The following ILDR1 variants were observed in gnomAD, a reference collection of about 807,000 sequenced individuals.
ILDR1 encodes the protein immunoglobulin-like domain-containing receptor 1.
A neutral mutation model predicts 62.4 loss-of-function variants in ILDR1; 56 were observed. The observed-to-expected ratio is 0.90, with a 90% CI of 0.72 to 1.12. The LOEUF (loss-of-function observed/expected upper bound fraction) is 1.12. Ranked by LOEUF, ILDR1 falls within the 50% of genes most tolerant of loss-of-function variation. The probability of loss-of-function intolerance (pLI) is 0.00; values close to 1 mark genes in which losing one functional copy is unlikely to be tolerated. For synonymous variants in ILDR1, 284 were observed against 277.8 expected, an observed-to-expected ratio of 1.02 and a Z score of -0.22; for missense variants, 736 against 710.6, an observed-to-expected ratio of 1.04 and a Z score of -0.41.
intron 2 of ILDR1, 56 bp from the exon 3 acceptor site, chr3:122,005,449 A>G: frequency 6.2e-7 from 1 of 1,604,796 alleles, no homozygotes; most frequent in Non-Finnish European, 8.5e-7. Context: ...CCACAAAAAA[A>G]AGGTTCCCTT....
At chr3:122,002,932 C>T (rs1232967483) in intron 3 of ILDR1, among the ~76,000 whole-genome samples, 4 of 152,130 alleles carry the variant, frequency 2.6e-5, no homozygotes, top group Admixed American at 6.5e-5. Context: ...GTCTAATATC[C>T]AGCATCTACA....
intron 7 of ILDR1, among the ~76,000 whole-genome samples, chr3:121,989,670 T>C (rs12497349): frequency 0.23 from 35,420 of 152,190 alleles, 4,690 homozygotes; most frequent in Admixed American, 0.38. Flanking sequence ...TCTGAGGTTA[T>C]AGCTTCAGTG....
intron 7 of ILDR1, among the ~76,000 whole-genome samples, chr3:121,989,902 GAAC>G (rs1490012725): frequency 2.0e-5 from 3 of 152,116 alleles, no homozygotes; most frequent in East Asian, 3.8e-4. Context: ...GGTTCCACAT[GAAC>G]AACAACAAAA....
rs574082562 is a variant in ILDR1 at position 122,006,822 on chromosome 3, C to T, written c.229+169G>A. ...GACCTTGAATACATTATTTCATCTA[C>T]CTGGGCTCCGTTTGTTTATCTATAA... On this transcript the variant is annotated intron_variant, in intron 2 of 7. Coordinates refer to ENST00000344209, the MANE Select transcript of ILDR1 (RefSeq NM_001199799.2). 1.8e-4 allele frequency among the ~76,000 whole-genome samples: 28 copies of T among 152,248 alleles called. No homozygotes were observed. The South Asian group carries it at 5.6e-3, about 30-fold the overall frequency.
the ILDR1 span, among the ~76,000 whole-genome samples, chr3:122,030,024 C>T: frequency 5.3e-5 from 8 of 152,090 alleles, no homozygotes; most frequent in Non-Finnish European, 1.2e-4. Flanking sequence ...GAATGGAGAA[C>T]TAAAGTATCT....
chr3:122,030,008 A>C, the ILDR1 span, among the ~76,000 whole-genome samples: 2 of 152,192 alleles, frequency 1.3e-5, no homozygotes, highest in Admixed American at 6.5e-5. Context: ...CCTTAGCTGG[A>C]AAAAGGAATG....
At position 121,988,523 on chromosome 3, in the gene ILDR1, G is replaced by T. The variant is rs181533691; in HGVS notation, c.1600-115C>A. 2.2e-4 allele frequency: 177 copies of T among 809,558 alleles called. No homozygotes were observed. The South Asian group carries it at 2.3e-3, about 11-fold the overall frequency. 50.1% of individuals were successfully genotyped at this position (809,558 alleles called of 1,614,324 possible). On this transcript the variant is annotated intron_variant, in intron 7 of 7. Transcript: ENST00000344209. ...ATCCTAAGTGGGTGGTGGCTGCCAG[G>T]ACAGCAGATCTGAACCTAAAAAGTA...
chr3:122,052,735 A>G, the ILDR1 span, among the ~76,000 whole-genome samples: 1 of 152,090 alleles, frequency 6.6e-6, no homozygotes, highest in Non-Finnish European at 1.5e-5. Flanking sequence ...TGCCTGGCTA[A>G]TTTTTGTATT....
chr3:122,035,751 T>G, the ILDR1 span, among the ~76,000 whole-genome samples: 1 of 152,240 alleles, frequency 6.6e-6, no homozygotes, highest in African/African-American at 2.4e-5. Flanking sequence ...GTGAGTCAAT[T>G]AAATCTCTTT....
chr3:121,993,380 G>C lies in ILDR1; in HGVS notation c.1369C>G (p.Gln457Glu), dbSNP rs2071383284. 6.2e-7 allele frequency: 1 copy of C among 1,611,784 alleles called. No individual in the cohort carries two copies. Among genetic ancestry groups the C allele is most frequent in the South Asian group, 1.1e-5 (1 of 91,038 alleles). Residue 457 changes from glutamine (Q) to glutamate (E), a missense_variant, in exon 7 of 8, where the codon CAG becomes GAG. Coordinates refer to ENST00000344209, the MANE Select transcript of ILDR1 (RefSeq NM_001199799.2). ...PRRPSPREST[Q>E]RHGRRRRHRS... The stretch of plus-strand genomic sequence containing the variant: ...TGCCTGCGTCGTCTCCCGTGCCTCT[G>C]AGTGCTCTCCCGGGGGCTGGGCCTG...
rs1334466513 is a variant in ILDR1 at position 122,006,997 on chromosome 3, A to C, written c.223T>G (p.Ser75Ala). 2 of 1,612,348 alleles carry C rather than the reference A, an allele frequency of 1.2e-6. No homozygotes were observed. The highest frequency in any genetic ancestry group is 1.7e-6 in the Non-Finnish European group (2 of 1,179,864). ...AGGGGGTAAGGATACTCACACGCTG[A>C]GTAGTAGTCAAAGATAGGGTCCTTG... ...FCKDPIFDYY[S>A]ASYQAALSLG... is the part of the protein sequence containing the mutation. Residue 75 changes from serine to alanine, a missense_variant, in exon 2 of 8, where the codon TCA becomes GCA. Ser to Ala is a moderately conservative substitution (Grantham distance 99, BLOSUM62 1). Coordinates refer to ENST00000344209, the MANE Select transcript of ILDR1 (RefSeq NM_001199799.2).
At chr3:122,005,475 A>C (rs2071594823) in intron 2 of ILDR1, 82 bp from the exon 3 acceptor site, 2 of 1,493,698 alleles carry the variant, frequency 1.3e-6, no homozygotes, top group Non-Finnish European at 1.9e-6. Flanking sequence ...TCCGGGCGTG[A>C]GACACAGTGA....
intron 1 of ILDR1, among the ~76,000 whole-genome samples, chr3:122,011,617 G>A (rs1445904208): frequency 1.4e-5 from 2 of 147,488 alleles, no homozygotes; most frequent in African/African-American, 2.5e-5. Flanking sequence ...AGCATCCTGT[G>A]CAGACCTCAA....
At chr3:122,044,736 T>C in the ILDR1 span, among the ~76,000 whole-genome samples, 2 of 151,938 alleles carry the variant, frequency 1.3e-5, no homozygotes, top group Non-Finnish European at 2.9e-5. Context: ...TGATGGTAGT[T>C]TGTATTTCTG....
At chr3:122,035,364 C>A in the ILDR1 span, among the ~76,000 whole-genome samples, 7 of 152,084 alleles carry the variant, frequency 4.6e-5, no homozygotes, top group African/African-American at 1.7e-4. Context: ...GTTCACAATG[C>A]CTGATTAGAA....
chr3:122,028,079 T>G, the ILDR1 span, among the ~76,000 whole-genome samples: 6 of 151,248 alleles, frequency 4.0e-5, no homozygotes, highest in South Asian at 8.4e-4. Flanking sequence ...TGTAATCCCA[T>G]CACTTTGGGA....
intron 1 of ILDR1, among the ~76,000 whole-genome samples, chr3:122,012,297 T>C (rs2071716565): frequency 6.6e-6 from 1 of 152,226 alleles, no homozygotes; most frequent in Admixed American, 6.5e-5. Context: ...TCTTTCAGGC[T>C]TACTACAAGT....
the ILDR1 span, among the ~76,000 whole-genome samples, chr3:122,042,787 C>G: frequency 6.6e-6 from 1 of 151,776 alleles, no homozygotes; most frequent in African/African-American, 2.4e-5. Context: ...GTAAATTTGT[C>G]TGAGTTCATT....
the ILDR1 span, among the ~76,000 whole-genome samples, chr3:122,037,771 G>A: frequency 6.6e-6 from 1 of 152,118 alleles, no homozygotes; most frequent in Non-Finnish European, 1.5e-5. Flanking sequence ...GATATGGTTT[G>A]GTTTTGTGTC....
Sources: allele counts gnomAD v4.1 joint callset (sites outside exome capture counted in the v4.1 genomes callset), GRCh38; gene constraint gnomAD v4.1.1; transcripts MANE v1.5; gene names NCBI Gene and HGNC (gene_info 2026-07-23, HGNC 2026-07-21).